MAPK14: variants seen among roughly 807,000 people sequenced by gnomAD.
MAPK14 encodes the protein mitogen-activated protein kinase 14.
In MAPK14, 16 loss-of-function variants were observed where a neutral mutation model predicts 49.6. That is an observed-to-expected ratio of 0.32 (90% confidence interval 0.22 to 0.49). The LOEUF is 0.49. Ranked by LOEUF, MAPK14 falls within the 20% of genes least tolerant of loss-of-function variation. The pLI, the probability that MAPK14 is intolerant of heterozygous loss-of-function variation, is 0.99. For missense variants in MAPK14, 200 were observed against 441.2 expected (o/e 0.45, Z 4.90); for synonymous variants, 142 against 158.0 (o/e 0.90, Z 0.76).
chr6:36,123,901 C>T, the MAPK14 span, among the ~76,000 whole-genome samples: 3 of 151,794 alleles, frequency 2.0e-5, no homozygotes, highest in Non-Finnish European at 2.9e-5. Context: ...GAGTGTGGAC[C>T]GGATGGTGTG....
At chr6:36,112,771 A>G (rs2127480372), downstream of MAPK14, among the ~76,000 whole-genome samples, 1 of 152,342 alleles carries the variant, frequency 6.6e-6, no homozygotes, top group Non-Finnish European at 1.5e-5. Flanking sequence ...GCAGTTTTCT[A>G]GCATTATTTA....
intron 9 of MAPK14, among the ~76,000 whole-genome samples, chr6:36,099,030 C>G (rs1314124987): frequency 6.6e-6 from 1 of 152,184 alleles, no homozygotes; most frequent in Non-Finnish European, 1.5e-5. Flanking sequence ...ATGGCTCTAG[C>G]TCCCTCCCTG....
chr6:36,031,624 C>CT (rs758242837), intron 1 of MAPK14, among the ~76,000 whole-genome samples: 3 of 152,132 alleles, frequency 2.0e-5, no homozygotes, highest in Non-Finnish European at 4.4e-5. Flanking sequence ...AGGCTGATCT[C>CT]TAACTCCTGA....
chr6:36,049,705 C>G (rs1436932736), intron 1 of MAPK14, among the ~76,000 whole-genome samples: 1 of 152,050 alleles, frequency 6.6e-6, no homozygotes. Flanking sequence ...ACAAGTAGAG[C>G]AAATTTATGC....
chr6:36,068,430 T>C (rs902425999), intron 3 of MAPK14, among the ~76,000 whole-genome samples: 1 of 152,150 alleles, frequency 6.6e-6, no homozygotes, highest in Admixed American at 6.5e-5. Context: ...CTGAGTTTTA[T>C]TTCTAAAGAA....
chr6:36,108,483 G>A lies in MAPK14; in HGVS notation c.*36G>A, dbSNP rs1448758200. On this transcript the variant is annotated 3_prime_UTR_variant, in exon 12 of 12. Coordinates refer to ENST00000229794, the MANE Select transcript of MAPK14 (RefSeq NM_139012.3). ...TCTGTTCTGTTGATCCCACTTCACT[G>A]TGAGGGGAAGGCCTTTTCACGGGAA... 1 of 1,523,602 alleles carries A rather than the reference G, an allele frequency of 6.6e-7. No homozygotes were observed. Among genetic ancestry groups the A allele is most frequent in the Non-Finnish European group, 9.1e-7 (1 of 1,097,500 alleles). 94.4% of individuals were successfully genotyped at this position (1,523,602 alleles called of 1,614,324 possible).
chr6:36,101,415 C>T (rs1263887462), intron 9 of MAPK14, among the ~76,000 whole-genome samples: 1 of 151,926 alleles, frequency 6.6e-6, no homozygotes, highest in African/African-American at 2.4e-5. Context: ...CCAGCCTAGG[C>T]AACAGAGCAG....
At chr6:36,100,430 A>G (rs1400772589) in intron 9 of MAPK14, among the ~76,000 whole-genome samples, 1 of 152,234 alleles carries the variant, frequency 6.6e-6, no homozygotes, top group Non-Finnish European at 1.5e-5. Context: ...ATAAAATGTC[A>G]TCCAGTCCTG....
At chr6:36,063,209 G>A (rs184742079) in intron 3 of MAPK14, among the ~76,000 whole-genome samples, 124 of 152,240 alleles carry the variant, frequency 8.1e-4, no homozygotes, top group Non-Finnish European at 1.1e-3. Flanking sequence ...GCATGTTACT[G>A]TACTGGATGC....
chr6:36,120,080 T>C, the MAPK14 span, among the ~76,000 whole-genome samples: 1 of 152,202 alleles, frequency 6.6e-6, no homozygotes, highest in African/African-American at 2.4e-5. Context: ...GTTCCACCAC[T>C]GACACTGTGT....
chr6:36,043,254 C>T (rs555150612), intron 1 of MAPK14, among the ~76,000 whole-genome samples: 7 of 152,078 alleles, frequency 4.6e-5, no homozygotes, highest in East Asian at 1.9e-4. Flanking sequence ...TGAGAGTTAG[C>T]GAAGATATTA....
Position 36,028,566 on chromosome 6 carries a change from G to C in MAPK14, c.116+293G>C, listed in dbSNP as rs1285275486. Among the ~76,000 whole-genome samples, 1 of 152,212 alleles carries C rather than the reference G, an allele frequency of 6.6e-6. No individual in the cohort carries two copies. The highest frequency in any genetic ancestry group is 1.5e-5 in the Non-Finnish European group (1 of 68,036). ...CGCCTTCCCCTCTCGGAGGGTTGCT[G>C]CTCGGCAACAGGCACCGGGGGAAGG... On this transcript the variant is annotated intron_variant, in intron 1 of 11. Transcript: ENST00000229794. This position sits in a 1 kb window ranked among gnomAD's most constrained non-coding sequence, Gnocchi z 5.1.
intron 3 of MAPK14, among the ~76,000 whole-genome samples, chr6:36,062,262 C>T (rs528523962): frequency 1.2e-4 from 18 of 152,260 alleles, no homozygotes; most frequent in African/African-American, 3.4e-4. Flanking sequence ...AGACATGAGC[C>T]GCCACACCCA....
chr6:36,039,830 C>T (rs1166788156), intron 1 of MAPK14, among the ~76,000 whole-genome samples: 1 of 151,934 alleles, frequency 6.6e-6, no homozygotes. Flanking sequence ...CATGGTGAAA[C>T]CCCATCTCTA....
intron 8 of MAPK14, among the ~76,000 whole-genome samples, chr6:36,090,567 C>G (rs1765184981): frequency 6.6e-6 from 1 of 151,086 alleles, no homozygotes; most frequent in Non-Finnish European, 1.5e-5. Context: ...GCTCTGTCGC[C>G]CAGGCTGGAG....
intron 3 of MAPK14, among the ~76,000 whole-genome samples, chr6:36,068,540 G>GT (rs770921766): frequency 1.1e-4 from 17 of 152,282 alleles, no homozygotes; most frequent in Middle Eastern, 3.4e-3. Flanking sequence ...CCCTGTGATT[G>GT]TTTTAAGCAC....
rs202024492 is a variant in MAPK14 at position 36,075,845 on chromosome 6, T to C, written c.496-3T>C. On this transcript the variant is annotated splice_region_variant and splice_polypyrimidine_tract_variant and intron_variant, in intron 6 of 11. Transcript: ENST00000229794. Reference sequence around the variant, plus strand: ...GTTTGTCTGTTCCTCTTCTGCCCTTTAGATTCTGGATTTTGGACTGGCTCG... The same window carrying C: ...GTTTGTCTGTTCCTCTTCTGCCCTTCAGATTCTGGATTTTGGACTGGCTCG... 1.2e-6 allele frequency: 2 copies of C among 1,613,980 alleles called. No homozygotes were observed. Among genetic ancestry groups the C allele is most frequent in the Non-Finnish European group, 1.7e-6 (2 of 1,180,016 alleles).
intron 11 of MAPK14, among the ~76,000 whole-genome samples, chr6:36,108,144 A>G (rs1399724594): frequency 6.6e-6 from 1 of 152,216 alleles, no homozygotes; most frequent in Non-Finnish European, 1.5e-5. Flanking sequence ...TAGAGAGCTT[A>G]AAAGAAGAGG....
At chr6:36,060,658 C>T (rs1030937721) in intron 3 of MAPK14, among the ~76,000 whole-genome samples, 1 of 152,056 alleles carries the variant, frequency 6.6e-6, no homozygotes, top group Non-Finnish European at 1.5e-5. Context: ...TTGCAAACAC[C>T]GTTTACTCCT....
Sources: allele counts gnomAD v4.1 joint callset (sites outside exome capture counted in the v4.1 genomes callset), GRCh38; gene constraint gnomAD v4.1.1; non-coding constraint Gnocchi (gnomAD v3.1); transcripts MANE v1.5; gene names NCBI Gene and HGNC (gene_info 2026-07-23, HGNC 2026-07-21).